URB1: variants seen among roughly 807,000 people sequenced by gnomAD.
URB1 encodes the protein URB1 ribosome biogenesis factor, also known as nucleolar pre-ribosomal-associated protein 1.
URB1 carries 197 observed loss-of-function variants against 242.3 expected under a neutral mutation model. The observed-to-expected ratio is 0.81, with a 90% CI of 0.72 to 0.91. The LOEUF is 0.91. Among genes scored for constraint, URB1 ranks in the 40% least tolerant of loss-of-function variants. URB1 has a pLI of 0.00. For missense variants in URB1, 2,721 were observed against 2,860.5 expected (o/e 0.95, Z 1.11); for synonymous variants, 1,153 against 1,201.8 (o/e 0.96, Z 0.84).
chr21:32,330,353 C>T (rs900456664), intron 30 of URB1, among the ~76,000 whole-genome samples: 1 of 151,506 alleles, frequency 6.6e-6, no homozygotes, highest in African/African-American at 2.4e-5. Flanking sequence ...AATTTTTCTA[C>T]CTGTATTAAA....
At chr21:32,320,140 G>C (rs1201912029) in intron 35 of URB1, among the ~76,000 whole-genome samples, 1 of 152,256 alleles carries the variant, frequency 6.6e-6, no homozygotes, top group African/African-American at 2.4e-5. Context: ...CGGCCTTCCT[G>C]CAAGAGGGCT....
Position 32,316,838 on chromosome 21 carries a change from C to T in URB1, c.6262G>A (p.Asp2088Asn), listed in dbSNP as rs189966185. 328 of 1,547,688 alleles carry T rather than the reference C, an allele frequency of 2.1e-4. No homozygotes were observed. In the East Asian group the frequency reaches 5.4e-3, roughly 26 times the overall value. The change falls in exon 38 of 39, where the codon GAT becomes AAT. Residue 2088 changes from aspartate to asparagine, a missense_variant. Coordinates refer to ENST00000382751, the MANE Select transcript of URB1 (RefSeq NM_014825.3). The part of the protein sequence containing the change: ...EPVDSASPES[D>N]APGPVYAAAS... ...GCAGCATATACGGGGCCTGGCGCAT[C>T]GCTCTCGGGGCTGGCTGAGTCCACA...
intron 30 of URB1, 100 bp from the exon 31 acceptor site, chr21:32,325,489 A>G: frequency 7.1e-7 from 1 of 1,410,818 alleles, no homozygotes; most frequent in Non-Finnish European, 9.5e-7. Context: ...ACCAATAGCT[A>G]CATGTGCCAA....
In URB1 at chr21:32,311,519, T is replaced by C; in HGVS notation, c.*3399A>G. 2 of 906,410 alleles carry C rather than the reference T, an allele frequency of 2.2e-6. No individual in the cohort carries two copies. The highest frequency in any genetic ancestry group is 3.2e-6 in the Non-Finnish European group (2 of 622,356). The allele number at this position is 906,410 out of a possible 1,614,324, so 56.1% of individuals were successfully genotyped here. A position where few individuals can be genotyped will look rare whatever the true frequency, so the allele number is the denominator to read the frequency against. On this transcript the variant is annotated 3_prime_UTR_variant, in exon 39 of 39. Coordinates refer to ENST00000382751, the MANE Select transcript of URB1 (RefSeq NM_014825.3). Reference sequence around the variant, plus strand: ...CCTCTCCTCTGAGATTTCTCTAGAATGGCCACCTTTGTGAGCTGGCTGACC... The same window carrying C: ...CCTCTCCTCTGAGATTTCTCTAGAACGGCCACCTTTGTGAGCTGGCTGACC...
chr21:32,330,444 C>T lies in URB1; in HGVS notation c.4960+2873G>A, dbSNP rs1474362597. 6.0e-5 allele frequency among the ~76,000 whole-genome samples: 9 copies of T among 149,838 alleles called. No homozygotes were observed. The South Asian group carries it at 8.5e-4, about 14-fold the overall frequency. ...GGTACATTTTCCTAATTTGAAAGAC[C>T]ATTTACTAATGACAGCTCTTCAAAA... On this transcript the variant is annotated intron_variant, in intron 30 of 38. Coordinates refer to ENST00000382751, the MANE Select transcript of URB1 (RefSeq NM_014825.3).
At chr21:32,384,849 C>T (rs932627336) in intron 2 of URB1, among the ~76,000 whole-genome samples, 2 of 152,144 alleles carry the variant, frequency 1.3e-5, no homozygotes, top group Non-Finnish European at 2.9e-5. Context: ...GGCGTGGTGG[C>T]GGGCGCCTGT....
chr21:32,336,956 G>T, intron 28 of URB1, 138 bp downstream of exon 28: 1 of 830,998 alleles, frequency 1.2e-6, no homozygotes, highest in Non-Finnish European at 2.0e-6. Flanking sequence ...AAGCCAGTGT[G>T]AGTCAGGGGA....
intron 22 of URB1, among the ~76,000 whole-genome samples, chr21:32,346,709 G>C (rs921493264): frequency 6.6e-6 from 1 of 152,172 alleles, no homozygotes; most frequent in African/African-American, 2.4e-5. Flanking sequence ...AGCTTCATGT[G>C]GGGGAACTCA....
At chr21:32,389,809 GC>G (rs1319078646) in intron 1 of URB1, among the ~76,000 whole-genome samples, 2 of 152,182 alleles carry the variant, frequency 1.3e-5, no homozygotes, top group Non-Finnish European at 2.9e-5. Flanking sequence ...CTGGCTTAGA[GC>G]CAAACCCTTC....
At chr21:32,347,907 C>T (rs1379568012) in intron 21 of URB1, 96 bp from the exon 22 acceptor site, 2 of 1,437,362 alleles carry the variant, frequency 1.4e-6, no homozygotes, top group Non-Finnish European at 1.8e-6. Context: ...GTTAGCGAGA[C>T]AGAGAGCAGA....
At chr21:32,390,532 A>G (rs537360939) in intron 1 of URB1, among the ~76,000 whole-genome samples, 1 of 152,196 alleles carries the variant, frequency 6.6e-6, no homozygotes, top group African/African-American at 2.4e-5. Flanking sequence ...GCCCTTTGTC[A>G]GATGAGTAGA....
chr21:32,362,153 A>G (rs2033296887), intron 11 of URB1, 132 bp from the exon 12 acceptor site: 3 of 1,204,312 alleles, frequency 2.5e-6, no homozygotes, highest in Non-Finnish European at 3.4e-6. Context: ...TAAGAAGGAG[A>G]GGGAAGAGTG....
At chr21:32,352,433 C>T (rs927166700) in intron 19 of URB1, among the ~76,000 whole-genome samples, 6 of 152,166 alleles carry the variant, frequency 3.9e-5, no homozygotes, top group Admixed American at 1.3e-4. Context: ...GGCAACGCTC[C>T]TGCCCCAGGC....
chr21:32,359,917 G>GA lies in URB1; in HGVS notation c.1757-10dup. ...CTGCTCAGAGATGACACCTATGGGT[G>GA]AAAAAGAGGCAGGCTGAAAAAAGTC... is the stretch of plus-strand genomic sequence containing the variant. On this transcript the variant is annotated splice_polypyrimidine_tract_variant and intron_variant, in intron 13 of 38. Coordinates refer to ENST00000382751, the MANE Select transcript of URB1 (RefSeq NM_014825.3). 6.5e-7 allele frequency: 1 copy of GA among 1,547,066 alleles called. No homozygotes were observed. The highest frequency in any genetic ancestry group is 8.7e-7 in the Non-Finnish European group (1 of 1,145,316).
In URB1 at chr21:32,313,014, G is replaced by GC. The variant is rs2032616417; in HGVS notation, c.*1903dup. The GC allele has an allele frequency of 6.6e-6, 1 of 152,250 alleles. No individual in the cohort carries two copies. The highest frequency in any genetic ancestry group is 1.5e-5 in the Non-Finnish European group (1 of 68,058). 9.4% of individuals were successfully genotyped at this position (152,250 alleles called of 1,614,324 possible). On this transcript the variant is annotated 3_prime_UTR_variant, in exon 39 of 39. Transcript: ENST00000382751. Reference sequence around the variant, plus strand: ...GATTTAAAAGGGAGAACAAAGAAAAGCAAGACTGATGAGCTCCAGAGATGC... The same window carrying GC: ...GATTTAAAAGGGAGAACAAAGAAAAGCCAAGACTGATGAGCTCCAGAGATGC...
At chr21:32,337,901 G>T (rs1196355967) in intron 26 of URB1, among the ~76,000 whole-genome samples, 3 of 151,982 alleles carry the variant, frequency 2.0e-5, no homozygotes, top group African/African-American at 7.3e-5. Flanking sequence ...TTCAGTCCCT[G>T]CGCATTCCCC....
chr21:32,325,004 T>C (rs1478321768), intron 31 of URB1, among the ~76,000 whole-genome samples: 2 of 152,220 alleles, frequency 1.3e-5, no homozygotes, highest in Non-Finnish European at 2.9e-5. Context: ...CAAGAAAGCC[T>C]GTAAGGAGAA....
chr21:32,348,118 AC>A (rs931063795), intron 21 of URB1, among the ~76,000 whole-genome samples: 6 of 152,014 alleles, frequency 3.9e-5, no homozygotes, highest in African/African-American at 1.2e-4. Context: ...TGTCTGAAGA[AC>A]CCAGCCTGGG....
At position 32,345,457 on chromosome 21, in the gene URB1, C is replaced by A. The variant is rs1330030342; in HGVS notation, c.3987G>T (p.Leu1329=). The change falls in exon 23 of 39, where the codon CTG becomes CTT. Residue 1329 remains leucine (L), a synonymous_variant. Coordinates refer to ENST00000382751, the MANE Select transcript of URB1 (RefSeq NM_014825.3). Reference sequence around the variant, plus strand: ...GATCCTTGGCTCGTGCAAACGGGACCAGCTGTGCCAGGATCTCCTGGTACA... The same window carrying A: ...GATCCTTGGCTCGTGCAAACGGGACAAGCTGTGCCAGGATCTCCTGGTACA... The part of the protein sequence containing the change: ...SGLYQEILAQ[L]VPFARAKDLS... 2 of 1,551,488 alleles carry A rather than the reference C, an allele frequency of 1.3e-6. No individual in the cohort carries two copies. The highest frequency in any genetic ancestry group is 1.7e-6 in the Non-Finnish European group (2 of 1,146,974).
Sources: gnomAD v4.1 joint callset for allele counts (sites outside exome capture counted in the v4.1 genomes callset) on GRCh38, gnomAD v4.1.1 for gene constraint, MANE v1.5 for transcripts, NCBI Gene and HGNC (gene_info 2026-07-23, HGNC 2026-07-21) for gene names.